The following MAST4 variants were observed in gnomAD, a reference collection of about 807,000 sequenced individuals.
The protein encoded by MAST4 is microtubule-associated serine/threonine-protein kinase 4.
Under a neutral mutation model 162.7 loss-of-function variants are expected in MAST4, and 89 were observed. That is an observed-to-expected ratio of 0.55 (90% CI 0.46 to 0.65). MAST4 has a LOEUF of 0.65. Among genes scored for constraint, MAST4 ranks in the 30% least tolerant of loss-of-function variants. The pLI, the probability that MAST4 is intolerant of heterozygous loss-of-function variation, is 0.00. For missense variants in MAST4, 3,153 were observed against 3,374.0 expected, an observed-to-expected ratio of 0.93 and a Z score of 1.62; for synonymous variants, 1,479 against 1,361.1, an observed-to-expected ratio of 1.09 and a Z score of -1.91.
At chr5:66,608,315 C>G (rs1487629421) in intron 1 of MAST4, among the ~76,000 whole-genome samples, 1 of 146,154 alleles carries the variant, frequency 6.8e-6, no homozygotes, top group African/African-American at 2.5e-5. Context: ...CTTGGTCTCC[C>G]AAAATGCTGG....
chr5:66,710,898 T>C (rs1216583094), intron 1 of MAST4, among the ~76,000 whole-genome samples: 2 of 152,234 alleles, frequency 1.3e-5, no homozygotes, highest in African/African-American at 4.8e-5. Flanking sequence ...GTATGCACAT[T>C]ATGTGTGTAA....
intron 3 of MAST4, among the ~76,000 whole-genome samples, chr5:66,850,455 A>G (rs186530961): frequency 4.5e-4 from 69 of 152,320 alleles, no homozygotes; most frequent in African/African-American, 1.6e-3. Context: ...CTACAGGTAG[A>G]GCATCTCTTA....
chr5:66,662,415 A>T (rs1415793725), intron 1 of MAST4: 1 of 152,210 alleles, frequency 6.6e-6, no homozygotes, highest in Non-Finnish European at 1.5e-5. Context: ...TTTCATTTTA[A>T]GCTCTTCATT....
chr5:66,845,749 A>G (rs996753148), intron 3 of MAST4, among the ~76,000 whole-genome samples: 4 of 152,042 alleles, frequency 2.6e-5, no homozygotes, highest in South Asian at 4.1e-4. Context: ...AAGCGTTCCT[A>G]TTTCTCCACA....
At chr5:66,666,857 A>G (rs1747292753) in intron 1 of MAST4, among the ~76,000 whole-genome samples, 1 of 152,260 alleles carries the variant, frequency 6.6e-6, no homozygotes, top group African/African-American at 2.4e-5. Flanking sequence ...TAAAGGGGCC[A>G]GGTGAGTAAA....
At chr5:66,834,590 C>A (rs1757832804) in intron 3 of MAST4, among the ~76,000 whole-genome samples, 1 of 152,074 alleles carries the variant, frequency 6.6e-6, no homozygotes, top group Non-Finnish European at 1.5e-5. Flanking sequence ...GCCAGGCTGC[C>A]CCTTACTCTT....
Position 66,842,909 on chromosome 5 carries a change from A to G in MAST4, c.642+54115A>G, listed in dbSNP as rs1036472180. On this transcript the variant is annotated intron_variant, in intron 3 of 28. Transcript: ENST00000403625. ...ATTTAGGTTCCGCTTGTATGTCTAG[A>G]TAAATCTTATCACCATTATTTAAAA... Among the ~76,000 whole-genome samples the G allele has an allele frequency of 3.9e-5, 6 of 152,264 alleles. No individual in the cohort carries two copies. The East Asian group carries it at 5.8e-4, about 15-fold the overall frequency.
chr5:66,844,386 C>G (rs868769407), intron 3 of MAST4, among the ~76,000 whole-genome samples: 3 of 152,050 alleles, frequency 2.0e-5, no homozygotes, highest in Admixed American at 6.6e-5. Context: ...CTTGGAGCAT[C>G]TTTGGATTTT....
At chr5:67,059,383 C>A (rs1759277875) in intron 5 of MAST4, among the ~76,000 whole-genome samples, 1 of 152,188 alleles carries the variant, frequency 6.6e-6, no homozygotes, top group Admixed American at 6.5e-5. Context: ...CTAAAAAAAT[C>A]TCTTCATAGT....
intron 1 of MAST4, among the ~76,000 whole-genome samples, chr5:66,744,894 G>T (rs994731032): frequency 6.6e-6 from 1 of 152,184 alleles, no homozygotes; most frequent in Non-Finnish European, 1.5e-5. Context: ...CCAGAAACTT[G>T]TATAAAGTTT....
chr5:67,124,242 AAG>A (rs1388148652), intron 14 of MAST4, among the ~76,000 whole-genome samples: 1 of 152,204 alleles, frequency 6.6e-6, no homozygotes, highest in Admixed American at 6.5e-5. Flanking sequence ...TCAGTGTAGG[AAG>A]AGAGGCAGAA....
At chr5:67,022,842 T>G (rs1754152612) in intron 4 of MAST4, among the ~76,000 whole-genome samples, 1 of 152,116 alleles carries the variant, frequency 6.6e-6, no homozygotes. Flanking sequence ...GAAATAAGAT[T>G]GAGCCTCCAT....
rs548615933 is a variant in MAST4, at chr5:67,164,572, T to C, written c.5393T>C (p.Leu1798Pro). Residue 1798 changes from leucine to proline, a missense_variant, in exon 29 of 29, where the codon CTG becomes CCG. Physicochemically the swap from Leu to Pro is moderately conservative, Grantham distance 98 (BLOSUM62 -3). Transcript: ENST00000403625. This position sits in a 1 kb window ranked among gnomAD's most constrained non-coding sequence, Gnocchi z 5.3. ...YKLEGRSVSC[L>P]KPIEGTLDIA... ...CTGGAAGGTAGGTCTGTCTCATGCC[T>C]GAAGCCGATCGAGGGCACTCTGGAC... The C allele has an allele frequency of 6.2e-7, 1 of 1,613,992 alleles. No homozygotes were observed. Among genetic ancestry groups the C allele is most frequent in the African/African-American group, 1.3e-5 (1 of 75,042 alleles).
At chr5:66,664,853 C>A (rs1467305335) in intron 1 of MAST4, among the ~76,000 whole-genome samples, 1 of 152,024 alleles carries the variant, frequency 6.6e-6, no homozygotes, top group African/African-American at 2.4e-5. Context: ...GGAAACATTA[C>A]AACGAGAAAG....
intron 5 of MAST4, among the ~76,000 whole-genome samples, chr5:67,087,932 C>A (rs1763429736): frequency 6.6e-6 from 1 of 152,082 alleles, no homozygotes; most frequent in African/African-American, 2.4e-5. Context: ...AGCAATGGAC[C>A]TAGAAAGGCA....
At chr5:67,033,948 C>A (rs1755698047) in intron 4 of MAST4, among the ~76,000 whole-genome samples, 2 of 152,024 alleles carry the variant, frequency 1.3e-5, no homozygotes, top group African/African-American at 4.8e-5. Flanking sequence ...AGATTTGTAA[C>A]CCTGTTTATC....
chr5:66,870,441 T>A (rs1012673630), intron 3 of MAST4, among the ~76,000 whole-genome samples: 4 of 152,230 alleles, frequency 2.6e-5, no homozygotes, highest in Non-Finnish European at 5.9e-5. Flanking sequence ...AGAGAAATCA[T>A]GTTCCAGTTT....
At chr5:66,740,729 A>G (rs887853657) in intron 1 of MAST4, among the ~76,000 whole-genome samples, 1 of 152,190 alleles carries the variant, frequency 6.6e-6, no homozygotes, top group African/African-American at 2.4e-5. Flanking sequence ...CACCTGTGCA[A>G]CTTGGATCAG....
intron 1 of MAST4, among the ~76,000 whole-genome samples, chr5:66,752,176 G>C (rs1416047485): frequency 2.0e-5 from 3 of 152,176 alleles, no homozygotes; most frequent in Non-Finnish European, 4.4e-5. Flanking sequence ...ACCGGTACCA[G>C]CTGCTGCAAA....
Sources: gnomAD v4.1 joint callset for allele counts (sites outside exome capture counted in the v4.1 genomes callset) on GRCh38, gnomAD v4.1.1 for gene constraint, Gnocchi (gnomAD v3.1) non-coding constraint, MANE v1.5 for transcripts, NCBI Gene and HGNC (gene_info 2026-07-23, HGNC 2026-07-21) for gene names.